FAT3: variants seen among roughly 807,000 people sequenced by gnomAD.
The protein encoded by FAT3 is FAT atypical cadherin 3.
A neutral mutation model predicts 310.2 loss-of-function variants in FAT3; 95 were observed. The ratio of observed to expected loss-of-function variants is 0.31; its 90% CI spans 0.26 to 0.36. The LOEUF is 0.36. Ranked by LOEUF, FAT3 falls within the 10% of genes least tolerant of loss-of-function variation. FAT3 has a pLI of 1.00. For synonymous variants in FAT3, 2,314 were observed against 2,192.9 expected, an observed-to-expected ratio of 1.06 and a Z score of -1.54; for missense variants, 5,408 against 5,715.6, an observed-to-expected ratio of 0.95 and a Z score of 1.74.
rs2136445489 is a variant in FAT3, at chr11:92,890,715, G to A, written c.13372G>A (p.Asp4458Asn). The A allele has an allele frequency of 6.2e-7, 1 of 1,613,566 alleles. No individual in the cohort carries two copies. Among genetic ancestry groups the A allele is most frequent in the East Asian group, 2.2e-5 (1 of 44,850 alleles). Residue 4458 changes from aspartate to asparagine, a missense_variant, in exon 28 of 28, where the codon GAC becomes AAC. Physicochemically the swap from Asp to Asn is conservative, Grantham distance 23. This residue lies in a region of FAT3 where 649 missense variants were observed against 666.2 expected (regional missense o/e 0.97). Transcript: ENST00000525166. ...CCAGCTGCCTCCTCCTCTCCCGGAG[G>A]ACTTCCCAGACCAATATGAGGCCCT... ...QDQLPPPLPE[D>N]FPDQYEALPP...
intron 3 of FAT3, among the ~76,000 whole-genome samples, chr11:92,627,159 A>G (rs1941368116): frequency 6.6e-6 from 1 of 152,188 alleles, no homozygotes; most frequent in African/African-American, 2.4e-5. Context: ...ATATGTGTGT[A>G]ACTCATGTTA....
intron 2 of FAT3, among the ~76,000 whole-genome samples, chr11:92,511,278 T>C (rs1308751339): frequency 6.6e-6 from 1 of 152,228 alleles, no homozygotes; most frequent in African/African-American, 2.4e-5. Flanking sequence ...CACTTCTTCA[T>C]ATGCGTTAAA....
rs1440295603 is a variant in FAT3, at chr11:92,581,347, G to A, written c.3607+56399G>A. On this transcript the variant is annotated intron_variant, in intron 3 of 27. Transcript: ENST00000525166. ...CCAACGGCTCCCTCCTTGCAGTGAG[G>A]CTGTTCTTACTCTTGAGGACAACAG... Among the ~76,000 whole-genome samples, 3 of 151,790 alleles carry A rather than the reference G, an allele frequency of 2.0e-5. No individual in the cohort carries two copies. The East Asian group carries it at 5.8e-4, about 29-fold the overall frequency.
At chr11:92,819,828 G>C (rs367681854) in intron 13 of FAT3, among the ~76,000 whole-genome samples, 1 of 152,170 alleles carries the variant, frequency 6.6e-6, no homozygotes, top group African/African-American at 2.4e-5. Flanking sequence ...CACAGGTGCT[G>C]TTCATACCAC....
chr11:92,782,503 TC>T, intron 7 of FAT3, among the ~76,000 whole-genome samples: 1 of 151,932 alleles, frequency 6.6e-6, no homozygotes, highest in East Asian at 1.9e-4. Context: ...GCCTGGGAGG[TC>T]GAGGCTGCAG....
At chr11:92,766,248 G>C (rs931404677) in intron 6 of FAT3, among the ~76,000 whole-genome samples, 6 of 152,212 alleles carry the variant, frequency 3.9e-5, no homozygotes, top group Non-Finnish European at 8.8e-5. Flanking sequence ...AAACAAAACA[G>C]GCTGTTGCTA....
chr11:92,395,038 A>G (rs1470189490), intron 2 of FAT3, among the ~76,000 whole-genome samples: 1 of 152,232 alleles, frequency 6.6e-6, no homozygotes, highest in Non-Finnish European at 1.5e-5. Context: ...GAATGAATGA[A>G]TGAACCCAAG....
At position 92,894,461 on chromosome 11, in the gene FAT3, T is replaced by C. The variant is rs1352753064; in HGVS notation, c.*3348T>C. 2 of 152,200 alleles carry C rather than the reference T, an allele frequency of 1.3e-5. No homozygotes were observed. Among genetic ancestry groups the C allele is most frequent in the Non-Finnish European group, 2.9e-5 (2 of 68,038 alleles). The allele number at this position is 152,200 out of a possible 1,614,324, so 9.4% of individuals were successfully genotyped here. A position where few individuals can be genotyped will look rare whatever the true frequency, so the allele number is the denominator to read the frequency against. ...TGTGGAAACTATTTAAATCAATTAA[T>C]GTCTTTCTCATTTTTCGAACATGTA... On this transcript the variant is annotated 3_prime_UTR_variant, in exon 28 of 28. Coordinates refer to ENST00000525166, the MANE Select transcript of FAT3 (RefSeq NM_001367949.2).
At position 92,508,938 on chromosome 11, in the gene FAT3, A is replaced by G. The variant is rs191846248; in HGVS notation, c.3293-15696A>G. On this transcript the variant is annotated intron_variant, in intron 2 of 27. Coordinates refer to ENST00000525166, the MANE Select transcript of FAT3 (RefSeq NM_001367949.2). ...ATTTAAAAATCCCACAACACTTTTC[A>G]AGGCTGAAGAATTCAAAGTTTTGTG... Among the ~76,000 whole-genome samples, 379 of 152,296 alleles carry G rather than the reference A, an allele frequency of 2.5e-3. 1 individual carries two copies. The highest frequency in any genetic ancestry group is 8.1e-3 in the South Asian group (39 of 4,820).
intron 3 of FAT3, among the ~76,000 whole-genome samples, chr11:92,655,277 G>T (rs1034036636): frequency 5.9e-5 from 9 of 152,104 alleles, no homozygotes; most frequent in Admixed American, 3.9e-4. Context: ...ACAATATCTT[G>T]GAGGACAGCA....
Position 92,800,061 on chromosome 11 carries a change from C to T in FAT3, c.7048C>T (p.Arg2350Ter), listed in dbSNP as rs1000769534. The change falls in exon 10 of 28, where the codon CGA becomes TGA. Residue 2350 changes from arginine to a stop codon, truncating the protein, a stop_gained. Transcript: ENST00000525166. LOFTEE classifies it high-confidence loss of function. ...DSSSGLILTA[R>*]MLDHELVQHC... Reference sequence around the variant, plus strand: ...CTCAAGTGGCTTAATCCTGACAGCACGAATGCTGGACCATGAGTTAGTACA... The same window carrying T: ...CTCAAGTGGCTTAATCCTGACAGCATGAATGCTGGACCATGAGTTAGTACA... 3 of 1,613,934 alleles carry T rather than the reference C, an allele frequency of 1.9e-6. No homozygotes were observed. The highest frequency in any genetic ancestry group is 1.7e-6 in the Non-Finnish European group (2 of 1,179,846).
chr11:92,783,830 T>C (rs915376790), intron 7 of FAT3, among the ~76,000 whole-genome samples: 2 of 152,182 alleles, frequency 1.3e-5, no homozygotes, highest in African/African-American at 4.8e-5. Context: ...AGATCTGGGC[T>C]TAACAACTTA....
In FAT3 at chr11:92,890,600, A is replaced by G. The variant is rs2136443664; in HGVS notation, c.13257A>G (p.Thr4419=). 6.2e-7 allele frequency: 1 copy of G among 1,613,632 alleles called. No homozygotes were observed. The highest frequency in any genetic ancestry group is 8.5e-7 in the Non-Finnish European group (1 of 1,179,828). Residue 4419 remains threonine (T), a synonymous_variant, in exon 28 of 28, where the codon ACA becomes ACG. Transcript: ENST00000525166. ...QDGGSAHQGS[T]RELESDYYLG... ...GAGGGTCTGCACACCAGGGGAGCAC[A>G]CGGGAGCTGGAGAGCGATTACTACC...
chr11:92,437,705 A>T (rs1441469490), intron 2 of FAT3, among the ~76,000 whole-genome samples: 1 of 152,216 alleles, frequency 6.6e-6, no homozygotes, highest in Non-Finnish European at 1.5e-5. Context: ...GAGGGTCTTA[A>T]TGGGAACACT....
chr11:92,543,349 A>G (rs1954512537), intron 3 of FAT3, among the ~76,000 whole-genome samples: 1 of 152,156 alleles, frequency 6.6e-6, no homozygotes, highest in African/African-American at 2.4e-5. Flanking sequence ...CTCACCACAC[A>G]AAAAAGGTAA....
intron 3 of FAT3, among the ~76,000 whole-genome samples, chr11:92,549,539 A>G (rs1187056031): frequency 6.6e-6 from 1 of 152,192 alleles, no homozygotes; most frequent in African/African-American, 2.4e-5. Flanking sequence ...AGGAAGACAT[A>G]TGACAATGTT....
chr11:92,617,111 C>T (rs551369112), intron 3 of FAT3, among the ~76,000 whole-genome samples: 2 of 152,276 alleles, frequency 1.3e-5, no homozygotes, highest in African/African-American at 4.8e-5. Context: ...CTTTCAGGTA[C>T]ACCAGTCAGA....
chr11:92,448,117 A>G (rs1473917780), intron 2 of FAT3, among the ~76,000 whole-genome samples: 2 of 152,142 alleles, frequency 1.3e-5, no homozygotes, highest in Admixed American at 6.5e-5. Context: ...CCCTTAATGT[A>G]AACTGTGATT....
rs1948190324 is a variant in FAT3 at position 92,339,679 on chromosome 11, GT to G, written c.-17-12412del. Among the ~76,000 whole-genome samples the G allele has an allele frequency of 2.0e-5, 3 of 152,252 alleles. No homozygotes were observed. The South Asian group carries it at 6.2e-4, about 32-fold the overall frequency. ...TGGAAGCTGCAGTGACTCTGTGCAT[GT>G]TTTTATAATGGGAAATCAGGGCAGG... On this transcript the variant is annotated intron_variant, in intron 1 of 27. Transcript: ENST00000525166.
Sources: gnomAD v4.1 joint callset for allele counts (sites outside exome capture counted in the v4.1 genomes callset) on GRCh38, gnomAD v4.1.1 for gene constraint, gnomAD v4.1.1 regional missense constraint, MANE v1.5 for transcripts, NCBI Gene and HGNC (gene_info 2026-07-23, HGNC 2026-07-21) for gene names.